The following DNAAF8 variants were observed in gnomAD, a reference collection of about 807,000 sequenced individuals.
DNAAF8 encodes the protein dynein axonemal assembly factor 8.
A neutral mutation model predicts 54.6 loss-of-function variants in DNAAF8; 61 were observed. That is an observed-to-expected ratio of 1.12 (90% confidence interval 0.91 to 1.38). The LOEUF is 1.38. Ranked by LOEUF, DNAAF8 falls within the 40% of genes most tolerant of loss-of-function variation. DNAAF8 has a pLI of 0.00. For synonymous variants in DNAAF8, 320 were observed against 270.1 expected, an observed-to-expected ratio of 1.18 and a Z score of -1.81; for missense variants, 837 against 665.0, an observed-to-expected ratio of 1.26 and a Z score of -2.85.
intron 6 of DNAAF8, among the ~76,000 whole-genome samples, chr16:4,745,948 G>A (rs2082010119): frequency 9.8e-6 from 1 of 102,470 alleles, no homozygotes; most frequent in Admixed American, 1.1e-4. Context: ...GCAAGACTCT[G>A]TCTCAAAAAA....
Position 4,746,601 on chromosome 16 carries a change from G to T in DNAAF8, c.1181+89G>T. 3.5e-6 allele frequency: 5 copies of T among 1,434,754 alleles called. No homozygotes were observed. In the South Asian group the frequency reaches 4.0e-5, roughly 12 times the overall value. The allele number at this position is 1,434,754 out of a possible 1,614,324, so 88.9% of individuals were successfully genotyped here. A position where few individuals can be genotyped will look rare whatever the true frequency, so the allele number is the denominator to read the frequency against. Reference sequence around the variant, plus strand: ...AGAGCCTCTGGTGGATCCTGATGGGGAGGAACAGGGACTTCAAAAGGCTTG... The same window carrying T: ...AGAGCCTCTGGTGGATCCTGATGGGTAGGAACAGGGACTTCAAAAGGCTTG... On this transcript the variant is annotated intron_variant, in intron 7 of 9. Coordinates refer to ENST00000299320, the MANE Select transcript of DNAAF8 (RefSeq NM_139170.3).
intron 5 of DNAAF8, among the ~76,000 whole-genome samples, chr16:4,744,141 C>T (rs2081983585): frequency 6.6e-6 from 1 of 152,068 alleles, no homozygotes; most frequent in Non-Finnish European, 1.5e-5. Context: ...CCATGTTAGC[C>T]AGGCTGGTCT....
chr16:4,740,729 C>G, intron 4 of DNAAF8, 70 bp downstream of exon 4: 1 of 1,467,280 alleles, frequency 6.8e-7, no homozygotes, highest in South Asian at 1.3e-5. Flanking sequence ...TTCCCATGCA[C>G]TGGAGCTAGA....
chr16:4,741,407 C>T (rs965177604), intron 4 of DNAAF8, among the ~76,000 whole-genome samples: 1 of 152,188 alleles, frequency 6.6e-6, no homozygotes, highest in African/African-American at 2.4e-5. Context: ...TGAAAGCCCT[C>T]ATTCTCATAA....
chr16:4,747,660 G>T, intron 9 of DNAAF8, 26 bp downstream of exon 9: 1 of 1,571,664 alleles, frequency 6.4e-7, no homozygotes, highest in Non-Finnish European at 8.7e-7. Flanking sequence ...GAGTGGGCAG[G>T]GGCGGGCTGA....
chr16:4,740,722 C>T (rs1170857883), intron 4 of DNAAF8, 63 bp downstream of exon 4: 14 of 1,482,626 alleles, frequency 9.4e-6, no homozygotes, highest in Non-Finnish European at 1.3e-5. Flanking sequence ...GCTGCTGTTC[C>T]CATGCACTGG....
chr16:4,737,728 A>G (rs2081914147), intron 2 of DNAAF8, 72 bp from the exon 3 acceptor site: 1 of 1,543,068 alleles, frequency 6.5e-7, no homozygotes. Flanking sequence ...GAGAGTGGAG[A>G]GCGGGGGTGG....
At chr16:4,736,306 G>C (rs2081900489) in intron 1 of DNAAF8, among the ~76,000 whole-genome samples, 158 bp from the exon 2 acceptor site, 1 of 151,716 alleles carries the variant, frequency 6.6e-6, no homozygotes, top group Non-Finnish European at 1.5e-5. Flanking sequence ...TACACACACA[G>C]TGCCTGGCAC....
intron 1 of DNAAF8, among the ~76,000 whole-genome samples, 178 bp from the exon 2 acceptor site, chr16:4,736,286 C>G (rs2081899417): frequency 9.5e-6 from 1 of 105,412 alleles, no homozygotes; most frequent in Non-Finnish European, 2.2e-5. Flanking sequence ...TGGGAACACA[C>G]ACACACACGT....
At position 4,740,404 on chromosome 16, in the gene DNAAF8, C is replaced by T. The variant is rs780124657; in HGVS notation, c.528C>T (p.Cys176=). 6 of 1,614,000 alleles carry T rather than the reference C, an allele frequency of 3.7e-6. No individual in the cohort carries two copies. Among genetic ancestry groups the T allele is most frequent in the Admixed American group, 1.7e-5 (1 of 60,016 alleles). Residue 176 remains cysteine, a synonymous_variant, in exon 4 of 10, where the codon TGC becomes TGT. Transcript: ENST00000299320. ...WDPQAEATLS[C]HEGDPKAEPL... is the part of the protein sequence containing the mutation. ...CACAGGCCGAAGCCACTCTCTCCTG[C>T]CATGAAGGAGACCCAAAGGCAGAGC...
intron 4 of DNAAF8, 125 bp from the exon 5 acceptor site, chr16:4,742,918 G>A: frequency 1.2e-6 from 1 of 815,218 alleles, no homozygotes; most frequent in South Asian, 1.5e-5. Context: ...GTCATGCACT[G>A]AATTCCTGAT....
At position 4,743,048 on chromosome 16, in the gene DNAAF8, T is replaced by A. The variant is rs760752379; in HGVS notation, c.789T>A (p.Leu263=). ...EGPPVLSLQQ[L]EAWDLDDILQ... is the part of the protein sequence containing the mutation. Reference sequence around the variant, plus strand: ...ACTGGTTTTAATGATTTCAGCAACTTGAAGCGTGGGATTTGGATGACATCC... The same window carrying A: ...ACTGGTTTTAATGATTTCAGCAACTAGAAGCGTGGGATTTGGATGACATCC... The change falls in exon 5 of 10, where the codon CTT becomes CTA. Residue 263 remains leucine (L), a synonymous_variant. Coordinates refer to ENST00000299320, the MANE Select transcript of DNAAF8 (RefSeq NM_139170.3). The A allele has an allele frequency of 1.9e-6, 3 of 1,607,414 alleles. No individual in the cohort carries two copies. In the African/African-American group the frequency reaches 4.0e-5, roughly 22 times the overall value.
At chr16:4,735,282 G>C (rs557414472) in intron 1 of DNAAF8, 1 of 152,188 alleles carries the variant, frequency 6.6e-6, no homozygotes, top group African/African-American at 2.4e-5. Context: ...CTGAATTGCG[G>C]AACAGAGCTC....
intron 4 of DNAAF8, among the ~76,000 whole-genome samples, chr16:4,740,967 A>T (rs183275711): frequency 2.6e-5 from 4 of 151,652 alleles, no homozygotes; most frequent in Non-Finnish European, 5.9e-5. Flanking sequence ...GGAGCCCCGG[A>T]GTTCAAGACC....
intron 5 of DNAAF8, among the ~76,000 whole-genome samples, chr16:4,744,096 A>AT (rs2081983021): frequency 6.6e-6 from 1 of 151,324 alleles, no homozygotes; most frequent in Admixed American, 6.6e-5. Context: ...CGCCTGGCTA[A>AT]TTTTTTTTGT....
intron 2 of DNAAF8, among the ~76,000 whole-genome samples, chr16:4,737,131 A>G (rs1399848699): frequency 1.3e-5 from 2 of 152,196 alleles, no homozygotes; most frequent in Non-Finnish European, 2.9e-5. Context: ...AGGTGCAGGC[A>G]TAAGACCCTG....
At position 4,740,361 on chromosome 16, in the gene DNAAF8, A is replaced by C. The variant is rs1410792294; in HGVS notation, c.485A>C (p.Gln162Pro). The C allele has an allele frequency of 1.2e-6, 2 of 1,613,898 alleles. No homozygotes were observed. The highest frequency in any genetic ancestry group is 1.7e-6 in the Non-Finnish European group (2 of 1,179,962). ...CTGTCTTTCAACACCAAAGGATCCC[A>C]GGGTCCTCCCTGGGACCCACAGGCC... is the stretch of plus-strand genomic sequence containing the variant. ...GSLSFNTKGS[Q>P]GPPWDPQAEA... Residue 162 changes from glutamine to proline, a missense_variant, in exon 4 of 10, where the codon CAG becomes CCG. Coordinates refer to ENST00000299320, the MANE Select transcript of DNAAF8 (RefSeq NM_139170.3).
intron 4 of DNAAF8, 98 bp from the exon 5 acceptor site, chr16:4,742,945 C>A (rs2081972721): frequency 1.0e-6 from 1 of 967,680 alleles, no homozygotes; most frequent in Non-Finnish European, 1.6e-6. Context: ...CCCCAACATC[C>A]TGTGACCATC....
intron 4 of DNAAF8, among the ~76,000 whole-genome samples, chr16:4,741,429 C>A (rs1240612680): frequency 6.6e-6 from 1 of 152,118 alleles, no homozygotes; most frequent in East Asian, 1.9e-4. Context: ...CTAGTGAGCA[C>A]CTGTTAAAAA....
Sources: allele counts gnomAD v4.1 joint callset (sites outside exome capture counted in the v4.1 genomes callset), GRCh38; gene constraint gnomAD v4.1.1; transcripts MANE v1.5; gene names NCBI Gene and HGNC (gene_info 2026-07-23, HGNC 2026-07-21).